Variants in ADSL observed in about 807,000 individuals in gnomAD.
ADSL encodes the protein adenylosuccinase.
Under a neutral mutation model 62.1 loss-of-function variants are expected in ADSL, and 44 were observed. That is an observed-to-expected ratio of 0.71 (90% CI 0.56 to 0.91). The LOEUF (loss-of-function observed/expected upper bound fraction) is 0.91. ADSL is among the 40% of genes least tolerant of loss of function. The pLI is 0.00. For missense variants in ADSL, 531 were observed against 627.4 expected (o/e 0.85, Z 1.64); for synonymous variants, 198 against 220.5 (o/e 0.90, Z 0.90).
intron 10 of ADSL, 39 bp downstream of exon 10, chr22:40,363,110 G>A: frequency 6.3e-7 from 1 of 1,588,980 alleles, no homozygotes; most frequent in Non-Finnish European, 8.6e-7. Flanking sequence ...ACTAGGGAGG[G>A]GTTAGAATGT....
Position 40,367,075 on chromosome 22 carries a change from A to T in ADSL, c.*553A>T, listed in dbSNP as rs1180961352. The stretch of plus-strand genomic sequence containing the variant: ...CTCATTTCATCTTTTGATAAGGCTT[A>T]TACAGCAGGGAAATGCTAATTGAGT... On this transcript the variant is annotated 3_prime_UTR_variant, in exon 13 of 13. Transcript: ENST00000623063. 6.2e-6 allele frequency: 1 copy of T among 162,050 alleles called. No homozygotes were observed. The highest frequency in any genetic ancestry group is 1.3e-5 in the Non-Finnish European group (1 of 74,262). The allele number at this position is 162,050 out of a possible 1,614,324, so 10.0% of individuals were successfully genotyped here.
intron 1 of ADSL, among the ~76,000 whole-genome samples, chr22:40,347,575 C>T (rs1003630745): frequency 6.6e-6 from 1 of 152,188 alleles, no homozygotes; most frequent in East Asian, 1.9e-4. Flanking sequence ...AATTTGACTT[C>T]GGGCCTAGGA....
chr22:40,362,625 G>A (rs910784874), intron 9 of ADSL, among the ~76,000 whole-genome samples: 4 of 152,200 alleles, frequency 2.6e-5, no homozygotes, highest in Non-Finnish European at 5.9e-5. Context: ...AGTATAAAGA[G>A]CTTGGTGAGT....
intron 1 of ADSL, chr22:40,347,190 C>G (rs1351692952): frequency 4.2e-5 from 7 of 166,180 alleles, no homozygotes; most frequent in African/African-American, 1.4e-4. Context: ...AAGAACGGAA[C>G]TGGGATTTGA....
At chr22:40,374,716 G>A (rs138465498) in intron 2 of ADSL, among the ~76,000 whole-genome samples, 4 of 152,270 alleles carry the variant, frequency 2.6e-5, no homozygotes, top group African/African-American at 9.6e-5. Context: ...ATGCCATCTC[G>A]ACCAAAAACA....
chr22:40,346,620 A>C lies in ADSL; in HGVS notation c.62A>C (p.Tyr21Ser). Reference sequence around the variant, plus strand: ...TACCGCTCACCTCTTGCCTCCCGCTATGCCAGCCCGGAGATGTGCTTCGTG... The same window carrying C: ...TACCGCTCACCTCTTGCCTCCCGCTCTGCCAGCCCGGAGATGTGCTTCGTG... ...DSYRSPLASR[Y>S]ASPEMCFVFS... Residue 21 changes from tyrosine to serine, a missense_variant, in exon 1 of 13, where the codon TAT becomes TCT. This residue lies in a region of ADSL where 60 missense variants were observed against 34.5 expected (regional missense o/e 1.74). Transcript: ENST00000623063. 1 of 1,610,680 alleles carries C rather than the reference A, an allele frequency of 6.2e-7. No homozygotes were observed. Among genetic ancestry groups the C allele is most frequent in the South Asian group, 1.1e-5 (1 of 90,176 alleles).
rs534411180 is a variant in ADSL, at chr22:40,369,195, A to G, written c.*2673A>G. On this transcript the variant is annotated 3_prime_UTR_variant, in exon 13 of 13. Coordinates refer to ENST00000623063, the MANE Select transcript of ADSL (RefSeq NM_000026.4). ...CCTGTCCTAACAATTCTGTTAGACT[A>G]ATGATCTCCAGTGATTGGCGATTTG... 5.3e-5 allele frequency: 8 copies of G among 152,268 alleles called. No individual in the cohort carries two copies. The South Asian group carries it at 1.7e-3, about 32-fold the overall frequency. The allele number at this position is 152,268 out of a possible 1,614,324, so 9.4% of individuals were successfully genotyped here.
intron 4 of ADSL, among the ~76,000 whole-genome samples, chr22:40,357,232 G>A (rs2044598534): frequency 6.8e-6 from 1 of 147,250 alleles, no homozygotes; most frequent in East Asian, 2.0e-4. Flanking sequence ...CAGACCTTCA[G>A]TGGCTTGATT....
intron 2 of ADSL, among the ~76,000 whole-genome samples, chr22:40,375,372 G>A (rs1458186605): frequency 6.6e-6 from 1 of 152,152 alleles, no homozygotes; most frequent in East Asian, 1.9e-4. Flanking sequence ...CTAAGGTCAG[G>A]AGTTTGAGAC....
downstream of ADSL, chr22:40,373,366 C>T (rs1179742004): frequency 6.6e-6 from 1 of 152,216 alleles, no homozygotes; most frequent in Non-Finnish European, 1.5e-5. Context: ...AAGAAGCAGA[C>T]TCTACATTCT....
At chr22:40,366,246 G>A (rs1280223276) in intron 12 of ADSL, among the ~76,000 whole-genome samples, 190 bp from the exon 13 acceptor site, 2 of 152,238 alleles carry the variant, frequency 1.3e-5, no homozygotes, top group East Asian at 3.9e-4. Context: ...TGGTGAGCAT[G>A]TGGGCATGGT....
At chr22:40,351,871 TC>T (rs1260394230) in intron 2 of ADSL, 4 of 152,054 alleles carry the variant, frequency 2.6e-5, no homozygotes, top group African/African-American at 9.6e-5. Flanking sequence ...ACCAGGATGG[TC>T]TCGATCTCCT....
chr22:40,369,631 G>A (rs1490803127), downstream of ADSL, among the ~76,000 whole-genome samples: 1 of 151,976 alleles, frequency 6.6e-6, no homozygotes, highest in Non-Finnish European at 1.5e-5. Context: ...AGCCTCTTGA[G>A]TAGCTGGGAC....
intron 7 of ADSL, chr22:40,360,993 G>A (rs972899192): frequency 3.2e-5 from 15 of 471,466 alleles, no homozygotes; most frequent in Middle Eastern, 6.4e-4. Flanking sequence ...GAGCCACCGC[G>A]CCCATCCTGA....
downstream of ADSL, among the ~76,000 whole-genome samples, chr22:40,371,232 G>A (rs2045403501): frequency 6.6e-6 from 1 of 152,224 alleles, no homozygotes; most frequent in Non-Finnish European, 1.5e-5. Context: ...AGAATCATCC[G>A]GTGTGGTTAG....
In ADSL at chr22:40,349,931, C is replaced by T. The variant is rs1036185928; in HGVS notation, c.253C>T (p.Arg85Ter). The T allele has an allele frequency of 6.8e-6, 11 of 1,613,978 alleles. No individual in the cohort carries two copies. The highest frequency in any genetic ancestry group is 7.6e-6 in the Non-Finnish European group (9 of 1,180,008). Reference protein sequence around the residue: ...KMAAEEEKRLRHDVMAHVHTF... With the variant: ...KMAAEEEKRL ...GGCAGCTGAGGAAGAGAAACGTTTACGACATGATGTGATGGCTCACGTGCA... is the reference window on the plus strand; with the variant it reads ...GGCAGCTGAGGAAGAGAAACGTTTATGACATGATGTGATGGCTCACGTGCA... The change falls in exon 2 of 13, where the codon CGA (arginine) becomes TGA (stop). Residue 85 changes from arginine to a stop codon, truncating the protein, a stop_gained. Transcript: ENST00000623063. LOFTEE classifies it high-confidence loss of function.
intron 12 of ADSL, 147 bp from the exon 13 acceptor site, chr22:40,366,289 T>C (rs1482363614): frequency 3.0e-6 from 2 of 676,094 alleles, no homozygotes; most frequent in Non-Finnish European, 5.3e-6. Context: ...CAGAAATTCC[T>C]GATAGGCAGT....
chr22:40,351,435 G>A (rs980083079), intron 2 of ADSL, among the ~76,000 whole-genome samples: 1 of 152,006 alleles, frequency 6.6e-6, no homozygotes, highest in Non-Finnish European at 1.5e-5. Flanking sequence ...GCCCCCCAAA[G>A]TGCTGGGATT....
intron 2 of ADSL, among the ~76,000 whole-genome samples, chr22:40,381,308 C>T (rs1253835401): frequency 1.3e-5 from 2 of 151,982 alleles, no homozygotes; most frequent in Admixed American, 6.6e-5. Flanking sequence ...CCACCACACT[C>T]AGCTAATTTT....
Sources: gnomAD v4.1 joint callset for allele counts (sites outside exome capture counted in the v4.1 genomes callset) on GRCh38, gnomAD v4.1.1 for gene constraint, gnomAD v4.1.1 regional missense constraint, MANE v1.5 for transcripts, NCBI Gene and HGNC (gene_info 2026-07-23, HGNC 2026-07-21) for gene names.